SUPT3H: variants seen among roughly 807,000 people sequenced by gnomAD.
The protein encoded by SUPT3H is transcription initiation protein SPT3 homolog.
In SUPT3H, 44 loss-of-function variants were observed where a neutral mutation model predicts 44.3. That is an observed-to-expected ratio of 0.99 (90% CI 0.78 to 1.28). The LOEUF is 1.28. Ranked by LOEUF, SUPT3H falls within the 50% of genes most tolerant of loss-of-function variation. SUPT3H has a pLI of 0.00. For synonymous variants in SUPT3H, 124 were observed against 125.6 expected (o/e 0.99, Z 0.09); for missense variants, 380 against 387.1 (o/e 0.98, Z 0.15).
At chr6:44,978,375 T>G (rs1778630306) in intron 6 of SUPT3H, among the ~76,000 whole-genome samples, 1 of 152,172 alleles carries the variant, frequency 6.6e-6, no homozygotes, top group African/African-American at 2.4e-5. Context: ...GTAACATACC[T>G]TGGATAAAGA....
intron 2 of SUPT3H, among the ~76,000 whole-genome samples, chr6:45,291,818 G>A (rs541749661): frequency 6.6e-6 from 1 of 152,192 alleles, no homozygotes; most frequent in African/African-American, 2.4e-5. Context: ...AAGAATAATC[G>A]GTGTCCCCAA....
intron 6 of SUPT3H, among the ~76,000 whole-genome samples, chr6:44,985,145 C>G (rs566748575): frequency 1.8e-4 from 27 of 147,896 alleles, no homozygotes; most frequent in Admixed American, 4.1e-4. Context: ...TCAGAACCAG[C>G]CTGGTTAACA....
At chr6:45,359,793 C>T (rs896314556) in intron 2 of SUPT3H, among the ~76,000 whole-genome samples, 2 of 152,152 alleles carry the variant, frequency 1.3e-5, no homozygotes, top group Non-Finnish European at 2.9e-5. Context: ...CTTCTAATCC[C>T]AACCCTTTGG....
At chr6:44,927,060 GA>G (rs1424367775) in intron 10 of SUPT3H, among the ~76,000 whole-genome samples, 2 of 151,928 alleles carry the variant, frequency 1.3e-5, no homozygotes, top group African/African-American at 4.8e-5. Context: ...TTACATACAA[GA>G]ATATCCACTA....
chr6:44,832,692 C>A (rs1385569720), intron 10 of SUPT3H, among the ~76,000 whole-genome samples: 4 of 152,000 alleles, frequency 2.6e-5, no homozygotes, highest in African/African-American at 9.7e-5. Flanking sequence ...ATTCATAGTT[C>A]CCATTTTTTT....
chr6:44,828,610 A>C lies in SUPT3H; in HGVS notation c.*1206T>G, dbSNP rs972228058. ...CATGTTCAGAAAGTTTTATACTTCC[A>C]AATTTGGGTGAAGGGAGAACTATTT... On this transcript the variant is annotated 3_prime_UTR_variant, in exon 11 of 11. Transcript: ENST00000371459. 1 of 152,156 alleles carries C rather than the reference A, an allele frequency of 6.6e-6. No individual in the cohort carries two copies. Among genetic ancestry groups the C allele is most frequent in the African/African-American group, 2.4e-5 (1 of 41,450 alleles). 9.4% of individuals were successfully genotyped at this position (152,156 alleles called of 1,614,324 possible). A position where few individuals can be genotyped will look rare whatever the true frequency, so the allele number is the denominator to read the frequency against.
At chr6:45,231,915 A>G (rs768861762) in intron 2 of SUPT3H, among the ~76,000 whole-genome samples, 26 of 152,152 alleles carry the variant, frequency 1.7e-4, no homozygotes, top group Admixed American at 6.5e-4. Context: ...AAAGGAATTC[A>G]TCAGTTCCAG....
At chr6:44,999,988 CATTTCT>C (rs1409030711) in intron 6 of SUPT3H, among the ~76,000 whole-genome samples, 4 of 151,794 alleles carry the variant, frequency 2.6e-5, no homozygotes, top group African/African-American at 4.8e-5. Context: ...AGAAAAATTA[CATTTCT>C]ATTTCTATAT....
intron 6 of SUPT3H, among the ~76,000 whole-genome samples, chr6:45,000,131 C>A (rs1380687677): frequency 2.0e-5 from 3 of 151,870 alleles, no homozygotes; most frequent in Admixed American, 6.6e-5. Flanking sequence ...ATGTAAACTA[C>A]ATATATCTTT....
At chr6:44,975,939 G>C (rs1778271132) in intron 6 of SUPT3H, among the ~76,000 whole-genome samples, 1 of 152,118 alleles carries the variant, frequency 6.6e-6, no homozygotes, top group Non-Finnish European at 1.5e-5. Flanking sequence ...GGAAAAATAG[G>C]CTTTTATAAC....
chr6:45,072,957 C>G (rs1224896497), intron 3 of SUPT3H, among the ~76,000 whole-genome samples: 1 of 152,004 alleles, frequency 6.6e-6, no homozygotes, highest in East Asian at 1.9e-4. Flanking sequence ...TCTTAGAAGC[C>G]ACGAAACAAT....
At chr6:45,320,436 C>A (rs1400137055) in intron 2 of SUPT3H, among the ~76,000 whole-genome samples, 1 of 151,336 alleles carries the variant, frequency 6.6e-6, no homozygotes, top group Non-Finnish European at 1.5e-5. Flanking sequence ...GCTAATTTTT[C>A]TTTTCCATTT....
rs1239542163 is a variant in SUPT3H at position 45,365,430 on chromosome 6, A to G, written c.1-129T>C. ...TTAAATTTCTGATTTGTTTTGCACA[A>G]AACTGATTCACTTATACTTAATGTT... is the stretch of plus-strand genomic sequence containing the variant. On this transcript the variant is annotated intron_variant, in intron 1 of 10. Transcript: ENST00000371459. 4.9e-6 allele frequency: 3 copies of G among 617,078 alleles called. No individual in the cohort carries two copies. In the East Asian group the frequency reaches 8.8e-5, roughly 18 times the overall value. The allele number at this position is 617,078 out of a possible 1,614,324, so 38.2% of individuals were successfully genotyped here. A position where few individuals can be genotyped will look rare whatever the true frequency, so the allele number is the denominator to read the frequency against.
chr6:45,053,145 C>T (rs1790564331), intron 3 of SUPT3H, among the ~76,000 whole-genome samples: 1 of 151,912 alleles, frequency 6.6e-6, no homozygotes, highest in African/African-American at 2.4e-5. Flanking sequence ...AGCGATCCTC[C>T]TGCCTAGGCC....
chr6:44,960,419 CA>C lies in SUPT3H; in HGVS notation c.580+1333del, dbSNP rs752377751. Among the ~76,000 whole-genome samples, 437 of 91,198 alleles carry C rather than the reference CA, an allele frequency of 4.8e-3. 1 individual carries two copies. The highest frequency in any genetic ancestry group is 0.016 in the African/African-American group (361 of 22,914). 59.8% of individuals were successfully genotyped at this position (91,198 alleles called of 152,430 possible). On this transcript the variant is annotated intron_variant, in intron 7 of 10. Transcript: ENST00000371459. ...TGGGCAACAGAGTGAGATTCCATCT[CA>C]AAAAAAAAAAAAAAAGAACAAAAGC...
intron 3 of SUPT3H, among the ~76,000 whole-genome samples, chr6:45,083,317 G>A (rs1181356476): frequency 1.3e-5 from 2 of 151,700 alleles, no homozygotes; most frequent in Non-Finnish European, 2.9e-5. Flanking sequence ...TCAGCCTCCT[G>A]AGTAGCTGGG....
intron 10 of SUPT3H, among the ~76,000 whole-genome samples, chr6:44,861,426 G>A (rs535346642): frequency 7.9e-5 from 12 of 151,092 alleles, no homozygotes; most frequent in Admixed American, 5.9e-4. Flanking sequence ...TCACTCTGTC[G>A]CTCAGGATGG....
intron 2 of SUPT3H, among the ~76,000 whole-genome samples, chr6:45,350,834 C>T (rs556639959): frequency 2.6e-4 from 40 of 152,026 alleles, no homozygotes; most frequent in Non-Finnish European, 3.8e-4. Context: ...CATTTTCAGA[C>T]GGATTTATAA....
At chr6:45,194,327 A>G (rs1815652118) in intron 2 of SUPT3H, among the ~76,000 whole-genome samples, 1 of 152,164 alleles carries the variant, frequency 6.6e-6, no homozygotes, top group African/African-American at 2.4e-5. Context: ...TCAACTCAAA[A>G]TGATACTTTA....
Sources: gnomAD v4.1 joint callset for allele counts (sites outside exome capture counted in the v4.1 genomes callset) on GRCh38, gnomAD v4.1.1 for gene constraint, MANE v1.5 for transcripts, NCBI Gene and HGNC (gene_info 2026-07-23, HGNC 2026-07-21) for gene names.